Variants in AFG1L observed in about 807,000 individuals in gnomAD.
The protein encoded by AFG1L is AFG1 like ATPase, also known as AFG1-like ATPase.
Under a neutral mutation model 62.2 loss-of-function variants are expected in AFG1L, and 53 were observed. That is an observed-to-expected ratio of 0.85 (90% CI 0.68 to 1.07). The LOEUF is 1.07. Among genes scored for constraint, AFG1L ranks in the 50% least tolerant of loss-of-function variants. The probability of loss-of-function intolerance (pLI) is 0.00; values close to 1 mark genes in which losing one functional copy is unlikely to be tolerated. For missense variants in AFG1L, 555 were observed against 590.5 expected, an observed-to-expected ratio of 0.94 and a Z score of 0.62; for synonymous variants, 228 against 210.3, an observed-to-expected ratio of 1.08 and a Z score of -0.73.
At chr6:108,442,746 C>G (rs896940262) in intron 7 of AFG1L, among the ~76,000 whole-genome samples, 7 of 150,920 alleles carry the variant, frequency 4.6e-5, no homozygotes, top group Non-Finnish European at 1.0e-4. Flanking sequence ...TGGGTCTTCA[C>G]TCAGGGTAAC....
intron 10 of AFG1L, among the ~76,000 whole-genome samples, chr6:108,482,183 C>A (rs181901611): frequency 3.4e-4 from 52 of 152,138 alleles, no homozygotes; most frequent in Admixed American, 1.2e-3. Flanking sequence ...TGAACCAATA[C>A]TTTCCAATAA....
At chr6:108,362,520 T>C (rs1340959625) in intron 5 of AFG1L, among the ~76,000 whole-genome samples, 1 of 152,196 alleles carries the variant, frequency 6.6e-6, no homozygotes, top group Non-Finnish European at 1.5e-5. Context: ...AGAATTATAT[T>C]AATACTAGCA....
At chr6:108,512,999 T>TA (rs1210998952) in intron 11 of AFG1L, among the ~76,000 whole-genome samples, 1 of 152,242 alleles carries the variant, frequency 6.6e-6, no homozygotes, top group African/African-American at 2.4e-5. Context: ...ATGGAAAATC[T>TA]AGTGTCGAAT....
chr6:108,463,330 C>G (rs931889412), intron 8 of AFG1L, among the ~76,000 whole-genome samples: 24 of 148,766 alleles, frequency 1.6e-4, no homozygotes, highest in African/African-American at 5.9e-4. Context: ...CCTCTGGCCT[C>G]TCTTTCCCAA....
At chr6:108,442,164 C>T (rs1053215164) in intron 7 of AFG1L, among the ~76,000 whole-genome samples, 1 of 151,594 alleles carries the variant, frequency 6.6e-6, no homozygotes, top group Non-Finnish European at 1.5e-5. Flanking sequence ...GACATGTTCC[C>T]TGCATAAGGA....
chr6:108,514,203 C>T (rs910136306), intron 11 of AFG1L, among the ~76,000 whole-genome samples: 7 of 152,154 alleles, frequency 4.6e-5, no homozygotes, highest in Non-Finnish European at 7.3e-5. Flanking sequence ...AAAATCAGAG[C>T]GCCTCTCCTC....
At chr6:108,393,922 A>C (rs992892017) in intron 6 of AFG1L, among the ~76,000 whole-genome samples, 18 of 152,152 alleles carry the variant, frequency 1.2e-4, no homozygotes, top group African/African-American at 4.3e-4. Context: ...GTATACCTTC[A>C]TGAGACCATT....
intron 7 of AFG1L, among the ~76,000 whole-genome samples, chr6:108,411,356 G>T (rs1409615811): frequency 1.3e-5 from 2 of 152,138 alleles, no homozygotes; most frequent in Non-Finnish European, 2.9e-5. Context: ...TGAATAAAAG[G>T]CAGCAGAAAC....
Position 108,477,181 on chromosome 6 carries a change from T to C in AFG1L, c.962-11T>C, listed in dbSNP as rs1057259858. On this transcript the variant is annotated splice_polypyrimidine_tract_variant and intron_variant, in intron 9 of 12. Coordinates refer to ENST00000368977, the MANE Select transcript of AFG1L (RefSeq NM_145315.5). Reference sequence around the variant, plus strand: ...CCAGACAAGATTGAGTCTTTGTTCATGTTCCCATAGTAACTAGACCAAGGA... The same window carrying C: ...CCAGACAAGATTGAGTCTTTGTTCACGTTCCCATAGTAACTAGACCAAGGA... 4 of 1,540,906 alleles carry C rather than the reference T, an allele frequency of 2.6e-6. No individual in the cohort carries two copies. The highest frequency in any genetic ancestry group is 3.5e-6 in the Non-Finnish European group (4 of 1,127,170).
chr6:108,405,640 C>T (rs1781818906), intron 7 of AFG1L, among the ~76,000 whole-genome samples: 1 of 152,192 alleles, frequency 6.6e-6, no homozygotes, highest in South Asian at 2.1e-4. Flanking sequence ...AGTCACCACA[C>T]CTGGCCTATT....
At chr6:108,326,697 C>T (rs910404940) in intron 2 of AFG1L, among the ~76,000 whole-genome samples, 8 of 152,242 alleles carry the variant, frequency 5.3e-5, no homozygotes, top group African/African-American at 1.9e-4. Context: ...CAGTGGCTCA[C>T]GCCTGTAATC....
intron 1 of AFG1L, among the ~76,000 whole-genome samples, chr6:108,304,291 A>G (rs1263484520): frequency 1.3e-5 from 2 of 152,234 alleles, no homozygotes; most frequent in Non-Finnish European, 2.9e-5. Context: ...ACAGAATGAA[A>G]CATAGGTCTT....
rs2114926888 is a variant in AFG1L at position 108,523,970 on chromosome 6, A to T, written c.*1545A>T. The T allele has an allele frequency of 1.3e-5, 2 of 152,330 alleles. No individual in the cohort carries two copies. The highest frequency in any genetic ancestry group is 3.4e-3 in the Middle Eastern group (1 of 294). The allele number at this position is 152,330 out of a possible 1,614,324, so 9.4% of individuals were successfully genotyped here. A position where few individuals can be genotyped will look rare whatever the true frequency, so the allele number is the denominator to read the frequency against. On this transcript the variant is annotated 3_prime_UTR_variant, in exon 13 of 13. Coordinates refer to ENST00000368977, the MANE Select transcript of AFG1L (RefSeq NM_145315.5). ...TATTTACATTAGCTCAGTTAAAAAA[A>T]ATAGTCTTAGAAAGTGAATATTATA...
intron 6 of AFG1L, among the ~76,000 whole-genome samples, chr6:108,400,515 T>A (rs569702374): frequency 8.7e-4 from 126 of 145,456 alleles, no homozygotes; most frequent in African/African-American, 3.1e-3. Context: ...AGTGACTTTT[T>A]AAAACCTTGA....
intron 7 of AFG1L, among the ~76,000 whole-genome samples, chr6:108,406,313 C>CT (rs59484751): frequency 0.032 from 4,505 of 141,124 alleles, 95 homozygotes; most frequent in Middle Eastern, 0.086. Flanking sequence ...TTTCTTTTTC[C>CT]TTTTTTTTTT....
At chr6:108,507,024 G>T (rs114836596) in intron 10 of AFG1L, among the ~76,000 whole-genome samples, 2,808 of 151,884 alleles carry the variant, frequency 0.018, 90 homozygotes, top group African/African-American at 0.064. Flanking sequence ...CTGATTTTTT[G>T]GGGGGAAAAA....
At chr6:108,501,321 A>T (rs1205221402) in intron 10 of AFG1L, among the ~76,000 whole-genome samples, 1 of 152,194 alleles carries the variant, frequency 6.6e-6, no homozygotes, top group Non-Finnish European at 1.5e-5. Flanking sequence ...GTTACCATCT[A>T]TGTGAACAAG....
rs535347081 is a variant in AFG1L, at chr6:108,301,665, G to A, written c.139+6447G>A. ...GCATTCCTTCATGAAGAGTACAATAGCAATATATTCCACAACAGTAAGGTA... is the reference window on the plus strand; with the variant it reads ...GCATTCCTTCATGAAGAGTACAATAACAATATATTCCACAACAGTAAGGTA... On this transcript the variant is annotated intron_variant, in intron 1 of 12. Coordinates refer to ENST00000368977, the MANE Select transcript of AFG1L (RefSeq NM_145315.5). 1.9e-4 allele frequency among the ~76,000 whole-genome samples: 29 copies of A among 152,284 alleles called. No homozygotes were observed. The South Asian group carries it at 6.0e-3, about 32-fold the overall frequency.
At chr6:108,305,672 G>A (rs1224666224) in intron 1 of AFG1L, among the ~76,000 whole-genome samples, 1 of 152,030 alleles carries the variant, frequency 6.6e-6, no homozygotes, top group Non-Finnish European at 1.5e-5. Context: ...GGCTCAAGCA[G>A]TGCGCCCGCC....
Sources: allele counts gnomAD v4.1 joint callset (sites outside exome capture counted in the v4.1 genomes callset), GRCh38; gene constraint gnomAD v4.1.1; transcripts MANE v1.5; gene names NCBI Gene and HGNC (gene_info 2026-07-23, HGNC 2026-07-21).